Variants in NAALAD2 observed in about 807,000 individuals in gnomAD.
NAALAD2 encodes the protein N-acetylated alpha-linked acidic dipeptidase 2.
In NAALAD2, 89 loss-of-function variants were observed where a neutral mutation model predicts 95.6. That is an observed-to-expected ratio of 0.93 (90% CI 0.78 to 1.11). The LOEUF is 1.11. Among genes scored for constraint, NAALAD2 ranks in the 50% least tolerant of loss-of-function variants. NAALAD2 has a pLI of 0.00. For synonymous variants in NAALAD2, 264 were observed against 294.4 expected (o/e 0.90, Z 1.06); for missense variants, 894 against 872.4 (o/e 1.02, Z -0.31).
chr11:90,181,714 TC>T lies in NAALAD2; in HGVS notation c.1940+16del, dbSNP rs745365131. The T allele has an allele frequency of 2.4e-5, 33 of 1,381,740 alleles. No individual in the cohort carries two copies. Among genetic ancestry groups the T allele is most frequent in the Admixed American group, 6.8e-5 (3 of 44,006 alleles). 85.6% of individuals were successfully genotyped at this position (1,381,740 alleles called of 1,614,324 possible). The stretch of plus-strand genomic sequence containing the variant: ...TTGATCTTAACAAGTAAGTTTCAAA[TC>T]CCTTTTTTTTTAAAAAAAAAAAAAA... On this transcript the variant is annotated intron_variant, in intron 17 of 18. Transcript: ENST00000534061.
intron 8 of NAALAD2, among the ~76,000 whole-genome samples, chr11:90,160,154 T>C (rs1952255139): frequency 6.6e-6 from 1 of 152,140 alleles, no homozygotes; most frequent in Admixed American, 6.5e-5. Flanking sequence ...GATAATACTC[T>C]TCTAGAAGAG....
intron 16 of NAALAD2, among the ~76,000 whole-genome samples, chr11:90,179,275 T>C (rs940319922): frequency 6.6e-6 from 1 of 152,124 alleles, no homozygotes; most frequent in African/African-American, 2.4e-5. Context: ...GTTTCTACTG[T>C]GTACCAAGTA....
chr11:90,155,472 AC>A (rs1952060846), intron 6 of NAALAD2, among the ~76,000 whole-genome samples: 20 of 109,520 alleles, frequency 1.8e-4, no homozygotes, highest in African/African-American at 7.4e-4. Flanking sequence ...TATTACATAT[AC>A]ATGTATATAT....
chr11:90,179,609 T>C (rs1461221918), intron 16 of NAALAD2, among the ~76,000 whole-genome samples: 1 of 152,006 alleles, frequency 6.6e-6, no homozygotes, highest in African/African-American at 2.4e-5. Flanking sequence ...ATGGGGGAAA[T>C]AAGGAGAGAT....
upstream of NAALAD2, among the ~76,000 whole-genome samples, chr11:90,132,573 ATTGT>A (rs1951369311): frequency 6.6e-6 from 1 of 152,190 alleles, no homozygotes; most frequent in Non-Finnish European, 1.5e-5. Context: ...AACATTTGAT[ATTGT>A]TTGAGACCTT....
rs1952014704 is a variant in NAALAD2 at position 90,155,041 on chromosome 11, G to GTGTATATATTATATACATATACATA, written c.796+2567_796+2591dup. Among the ~76,000 whole-genome samples, 5 of 122,706 alleles carry GTGTATATATTATATACATATACATA rather than the reference G, an allele frequency of 4.1e-5. No homozygotes were observed. The South Asian group carries it at 1.2e-3, about 29-fold the overall frequency. 80.5% of individuals were successfully genotyped at this position (122,706 alleles called of 152,430 possible). A position where few individuals can be genotyped will look rare whatever the true frequency, so the allele number is the denominator to read the frequency against. On this transcript the variant is annotated intron_variant, in intron 6 of 18. Coordinates refer to ENST00000534061, the MANE Select transcript of NAALAD2 (RefSeq NM_005467.4). ...ACATATACATAATATGTATATATGT[G>GTGTATATATTATATACATATACATA]TGTATATATTATATACATATACATA...
chr11:90,141,884 T>G lies in NAALAD2; in HGVS notation c.195-5446T>G, dbSNP rs138983089. 5.1e-3 allele frequency among the ~76,000 whole-genome samples: 778 copies of G among 152,328 alleles called. 4 individuals carry two copies. The highest frequency in any genetic ancestry group is 0.018 in the African/African-American group (743 of 41,568). ...ATTTCTTTTTTCTTTCTAACCTGTA[T>G]GCCTTTTACTTTTTTAAGAAAAATT... is the stretch of plus-strand genomic sequence containing the variant. On this transcript the variant is annotated intron_variant, in intron 2 of 18. Transcript: ENST00000534061.
rs185487579 is a variant in NAALAD2 at position 90,142,843 on chromosome 11, A to G, written c.195-4487A>G. ...AATATATGAAATTTTATTTTATTTC[A>G]ATTTATCTTTTGGCTATACCTCTTT... On this transcript the variant is annotated intron_variant, in intron 2 of 18. Transcript: ENST00000534061. Among the ~76,000 whole-genome samples the G allele has an allele frequency of 2.6e-5, 4 of 152,142 alleles. No individual in the cohort carries two copies. In the East Asian group the frequency reaches 7.7e-4, roughly 29 times the overall value.
intron 18 of NAALAD2, among the ~76,000 whole-genome samples, chr11:90,189,942 A>G (rs1366608041): frequency 6.6e-6 from 1 of 152,144 alleles, no homozygotes; most frequent in Non-Finnish European, 1.5e-5. Context: ...AGGGTAATTA[A>G]ATCATCATAT....
At chr11:90,181,544 TG>T in intron 16 of NAALAD2, 75 bp from the exon 17 acceptor site, 1 of 955,604 alleles carries the variant, frequency 1.0e-6, no homozygotes, top group East Asian at 2.4e-5. Flanking sequence ...CATATCAATC[TG>T]GAATGGGGAG....
At chr11:90,161,882 C>A (rs1029126617) in intron 8 of NAALAD2, among the ~76,000 whole-genome samples, 1 of 151,160 alleles carries the variant, frequency 6.6e-6, no homozygotes, top group African/African-American at 2.4e-5. Context: ...TAATTTTCAT[C>A]TGTCAGTAGC....
intron 8 of NAALAD2, chr11:90,162,446 C>T (rs936869037): frequency 1.3e-5 from 2 of 152,030 alleles, no homozygotes; most frequent in Non-Finnish European, 2.9e-5. Context: ...AGCTCTTAAA[C>T]TTACATATCA....
At position 90,163,322 on chromosome 11, in the gene NAALAD2, T is replaced by C. The variant is rs1384622493; in HGVS notation, c.1088T>C (p.Ile363Thr). Residue 363 changes from isoleucine (I) to threonine (T), a missense_variant, in exon 10 of 19, where the codon ATT (isoleucine) becomes ACT (threonine). Coordinates refer to ENST00000534061, the MANE Select transcript of NAALAD2 (RefSeq NM_005467.4). ...RGSVEPDRYV[I>T]LGGHRDSWVF... ...TATTATTTTCCAGACAGGTATGTTA[T>C]TCTGGGAGGTCACCGGGACTCCTGG... is the stretch of plus-strand genomic sequence containing the variant. The C allele has an allele frequency of 6.2e-7, 1 of 1,613,678 alleles. No individual in the cohort carries two copies. Among genetic ancestry groups the C allele is most frequent in the Middle Eastern group, 1.6e-4 (1 of 6,062 alleles).
chr11:90,167,481 C>T (rs112539620), intron 11 of NAALAD2, among the ~76,000 whole-genome samples: 1,982 of 152,308 alleles, frequency 0.013, 49 homozygotes, highest in African/African-American at 0.046. Context: ...GCTTCCTGCT[C>T]CACGGCGACC....
chr11:90,179,202 G>T (rs553665700), intron 16 of NAALAD2, among the ~76,000 whole-genome samples: 2 of 152,110 alleles, frequency 1.3e-5, no homozygotes, highest in Non-Finnish European at 2.9e-5. Flanking sequence ...TACAAACATT[G>T]TCTTTTATTA....
chr11:90,175,421 C>T (rs896102954), intron 14 of NAALAD2, among the ~76,000 whole-genome samples: 2 of 152,118 alleles, frequency 1.3e-5, no homozygotes, highest in East Asian at 1.9e-4. Flanking sequence ...TCATGTCTTA[C>T]ATTTTATTTA....
At chr11:90,136,898 A>C (rs1951465089) in intron 2 of NAALAD2, among the ~76,000 whole-genome samples, 1 of 152,224 alleles carries the variant, frequency 6.6e-6, no homozygotes, top group Non-Finnish European at 1.5e-5. Context: ...TCAGTATTCC[A>C]AAGAGATATG....
At chr11:90,150,417 CTT>C in intron 4 of NAALAD2, 63 bp from the exon 5 acceptor site, 1 of 1,143,242 alleles carries the variant, frequency 8.7e-7, no homozygotes, top group Non-Finnish European at 1.2e-6. Flanking sequence ...GTGAAGCAAA[CTT>C]ATTTTTTGTT....
At position 90,168,975 on chromosome 11, in the gene NAALAD2, C is replaced by T. The variant is rs762562048; in HGVS notation, c.1325C>T (p.Ser442Leu). ...GAGAGAAGCATTGCTTATATCAACT[C>T]GGATTCATCTATAGAAGGTAAATTT... Reference protein sequence around the residue: ...LQERSIAYINSDSSIEGNYTL... With the variant: ...LQERSIAYINLDSSIEGNYTL... Residue 442 changes from serine to leucine, a missense_variant, in exon 12 of 19, where the codon TCG becomes TTG. Coordinates refer to ENST00000534061, the MANE Select transcript of NAALAD2 (RefSeq NM_005467.4). 14 of 1,603,106 alleles carry T rather than the reference C, an allele frequency of 8.7e-6. No homozygotes were observed. The Admixed American group carries it at 1.4e-4, about 16-fold the overall frequency.
Sources: gnomAD v4.1 joint callset for allele counts (sites outside exome capture counted in the v4.1 genomes callset) on GRCh38, gnomAD v4.1.1 for gene constraint, MANE v1.5 for transcripts, NCBI Gene and HGNC (gene_info 2026-07-23, HGNC 2026-07-21) for gene names.